Variants in WDR70 observed in about 807,000 individuals in gnomAD.
WDR70 encodes the protein WD repeat domain 70.
In WDR70, 53 loss-of-function variants were observed where a neutral mutation model predicts 88.6. That is an observed-to-expected ratio of 0.60 (90% CI 0.48 to 0.75). The LOEUF (loss-of-function observed/expected upper bound fraction) is 0.75. Among genes scored for constraint, WDR70 ranks in the 30% least tolerant of loss-of-function variants. The pLI, the probability that WDR70 is intolerant of heterozygous loss-of-function variation, is 0.00. For synonymous variants in WDR70, 280 were observed against 270.0 expected (o/e 1.04, Z -0.36); for missense variants, 610 against 823.2 (o/e 0.74, Z 3.17).
At chr5:37,633,873 CAT>C (rs1367131699) in intron 10 of WDR70, among the ~76,000 whole-genome samples, 4 of 152,076 alleles carry the variant, frequency 2.6e-5, no homozygotes, top group African/African-American at 9.7e-5. Flanking sequence ...AAACCTGAAA[CAT>C]ATAGGGCTGT....
intron 10 of WDR70, among the ~76,000 whole-genome samples, chr5:37,692,893 A>AG (rs56377103): frequency 0.28 from 42,637 of 152,012 alleles, 6,602 homozygotes; most frequent in Admixed American, 0.42. Context: ...AAAGAAATAA[A>AG]GGTATTCAGT....
intron 13 of WDR70, among the ~76,000 whole-genome samples, chr5:37,710,832 G>C (rs528409493): frequency 1.7e-4 from 26 of 151,740 alleles, no homozygotes; most frequent in Non-Finnish European, 2.5e-4. Flanking sequence ...TATTGGTGGA[G>C]GCTAGAGTTG....
At chr5:37,501,844 G>C (rs1740413529) in intron 8 of WDR70, among the ~76,000 whole-genome samples, 1 of 152,048 alleles carries the variant, frequency 6.6e-6, no homozygotes, top group Admixed American at 6.6e-5. Context: ...GGTTGCTGTA[G>C]CCTTGTCAAT....
intron 11 of WDR70, among the ~76,000 whole-genome samples, chr5:37,699,050 CT>C (rs1747065712): frequency 6.6e-6 from 1 of 152,024 alleles, no homozygotes; most frequent in Non-Finnish European, 1.5e-5. Flanking sequence ...TCTGAATCCC[CT>C]GGGAAAGTTT....
chr5:37,493,928 C>T (rs1157211103), intron 8 of WDR70, among the ~76,000 whole-genome samples: 1 of 151,632 alleles, frequency 6.6e-6, no homozygotes, highest in Non-Finnish European at 1.5e-5. Flanking sequence ...TAGCAATTCT[C>T]CTGCCTCAGC....
intron 9 of WDR70, among the ~76,000 whole-genome samples, chr5:37,588,665 C>T (rs1046212317): frequency 6.6e-6 from 1 of 152,172 alleles, no homozygotes; most frequent in Non-Finnish European, 1.5e-5. Context: ...CAGTCTTGAA[C>T]TCCTGGGCTC....
At chr5:37,449,602 AAT>A (rs752592321) in intron 7 of WDR70, among the ~76,000 whole-genome samples, 366 of 28,726 alleles carry the variant, frequency 0.013, 1 homozygote, top group African/African-American at 0.029. Context: ...AAAAAAAAAA[AAT>A]AAAAAATAAA....
chr5:37,730,700 A>C (rs1033229516), intron 17 of WDR70, among the ~76,000 whole-genome samples: 1 of 152,140 alleles, frequency 6.6e-6, no homozygotes, highest in African/African-American at 2.4e-5. Flanking sequence ...GGTATATTCA[A>C]GTTTTTTTCT....
chr5:37,395,833 C>T (rs1486719723), intron 4 of WDR70, among the ~76,000 whole-genome samples: 1 of 152,114 alleles, frequency 6.6e-6, no homozygotes, highest in Non-Finnish European at 1.5e-5. Flanking sequence ...GACAGGGTCT[C>T]ACTGTTGTTC....
At chr5:37,538,579 C>G (rs983724304) in intron 9 of WDR70, among the ~76,000 whole-genome samples, 2 of 152,174 alleles carry the variant, frequency 1.3e-5, no homozygotes, top group African/African-American at 2.4e-5. Context: ...CTCATGTATA[C>G]TAAGTTAAAT....
intron 7 of WDR70, among the ~76,000 whole-genome samples, chr5:37,472,203 A>G (rs772885295): frequency 8.6e-5 from 13 of 152,004 alleles, no homozygotes; most frequent in Non-Finnish European, 1.3e-4. Flanking sequence ...GAATGCTTTG[A>G]TATTTGCATA....
chr5:37,395,519 T>C (rs1748982986), intron 4 of WDR70, among the ~76,000 whole-genome samples: 1 of 152,188 alleles, frequency 6.6e-6, no homozygotes, highest in African/African-American at 2.4e-5. Flanking sequence ...TATGGTGTTT[T>C]TAGAATGCAA....
chr5:37,497,319 T>TTCCCTTCCCTTCCTTTCCC (rs1561875733), intron 8 of WDR70, among the ~76,000 whole-genome samples: 1 of 132,942 alleles, frequency 7.5e-6, no homozygotes, highest in African/African-American at 2.8e-5. Context: ...TTCCCTTTCC[T>TTCCCTTCCCTTCCTTTCCC]TCCCTTCCCT....
chr5:37,582,238 C>T (rs1181641577), intron 9 of WDR70, among the ~76,000 whole-genome samples: 1 of 151,964 alleles, frequency 6.6e-6, no homozygotes. Context: ...TTGTGCTGTC[C>T]ATTGCATTTA....
At chr5:37,502,958 A>G (rs1264963069) in intron 8 of WDR70, among the ~76,000 whole-genome samples, 1 of 152,224 alleles carries the variant, frequency 6.6e-6, no homozygotes, top group Non-Finnish European at 1.5e-5. Flanking sequence ...ACTGAGGATT[A>G]CAATTCAACA....
intron 3 of WDR70, among the ~76,000 whole-genome samples, chr5:37,388,711 G>A (rs1748708795): frequency 1.3e-5 from 2 of 149,346 alleles, no homozygotes; most frequent in African/African-American, 2.4e-5. Context: ...CTGCACTGAC[G>A]CCTGGTGACA....
chr5:37,406,688 A>G (rs145594326), intron 5 of WDR70, among the ~76,000 whole-genome samples: 1 of 152,358 alleles, frequency 6.6e-6, no homozygotes, highest in East Asian at 1.9e-4. Context: ...AAGGTCATTT[A>G]TTTCAATAGG....
intron 10 of WDR70, among the ~76,000 whole-genome samples, chr5:37,628,948 A>G (rs915572378): frequency 1.3e-5 from 2 of 152,144 alleles, no homozygotes; most frequent in Non-Finnish European, 2.9e-5. Context: ...CATGTCTTGT[A>G]AGACTGTTCT....
In WDR70 at chr5:37,446,851, A is replaced by G. The variant is rs189598559; in HGVS notation, c.686+3479A>G. Among the ~76,000 whole-genome samples the G allele has an allele frequency of 4.3e-3, 652 of 152,324 alleles. 1 individual carries two copies. Among genetic ancestry groups the G allele is most frequent in the Non-Finnish European group, 6.6e-3 (449 of 68,030 alleles). On this transcript the variant is annotated intron_variant, in intron 7 of 17. Coordinates refer to ENST00000265107, the MANE Select transcript of WDR70 (RefSeq NM_018034.4). The stretch of plus-strand genomic sequence containing the variant: ...CCATAAAAACCCTAGAAGAAAACCT[A>G]AGCAATACCATTCAGGACATAGGCA...
Sources: gnomAD v4.1 joint callset for allele counts (sites outside exome capture counted in the v4.1 genomes callset) on GRCh38, gnomAD v4.1.1 for gene constraint, MANE v1.5 for transcripts, NCBI Gene and HGNC (gene_info 2026-07-23, HGNC 2026-07-21) for gene names.